The following C12orf42 variants were observed in gnomAD, a reference collection of about 807,000 sequenced individuals.
C12orf42 encodes uncharacterized protein C12orf42.
A neutral mutation model predicts 21.6 loss-of-function variants in C12orf42; 25 were observed. The ratio of observed to expected loss-of-function variants is 1.16; its 90% CI spans 0.84 to 1.62. The LOEUF (loss-of-function observed/expected upper bound fraction) is 1.62. C12orf42 is among the 40% of genes most tolerant of loss of function. C12orf42 has a pLI of 0.00. For synonymous variants in C12orf42, 174 were observed against 175.0 expected, an observed-to-expected ratio of 0.99 and a Z score of 0.05; for missense variants, 483 against 459.3, an observed-to-expected ratio of 1.05 and a Z score of -0.47.
At chr12:103,075,791 T>A in the C12orf42 span, among the ~76,000 whole-genome samples, 1 of 152,150 alleles carries the variant, frequency 6.6e-6, no homozygotes, top group Admixed American at 6.6e-5. Flanking sequence ...GTAGTGTTTA[T>A]GGGAGAGGAA....
intron 2 of C12orf42, among the ~76,000 whole-genome samples, chr12:103,408,660 A>T (rs1488273500): frequency 2.6e-5 from 4 of 152,198 alleles, no homozygotes; most frequent in African/African-American, 9.7e-5. Flanking sequence ...AAGAGTAACA[A>T]TGGGAAAATG....
At chr12:103,465,883 A>T (rs1413337334) in intron 2 of C12orf42, among the ~76,000 whole-genome samples, 16 of 152,196 alleles carry the variant, frequency 1.1e-4, no homozygotes, top group Admixed American at 1.0e-3. Context: ...AGTTCTGTTT[A>T]GGTAATGAAT....
chr12:103,265,125 G>A (rs1426723121), downstream of C12orf42, among the ~76,000 whole-genome samples: 1 of 152,048 alleles, frequency 6.6e-6, no homozygotes, highest in African/African-American at 2.4e-5. Flanking sequence ...GGGCTAGAGG[G>A]TCTCTTTTAT....
the C12orf42 span, among the ~76,000 whole-genome samples, chr12:103,160,657 C>A: frequency 6.6e-6 from 1 of 152,174 alleles, no homozygotes; most frequent in African/African-American, 2.4e-5. Flanking sequence ...CAGTGCAACA[C>A]CCCAATCCCT....
intron 4 of C12orf42, among the ~76,000 whole-genome samples, chr12:103,332,052 A>G (rs1309989340): frequency 1.3e-5 from 2 of 152,196 alleles, no homozygotes; most frequent in African/African-American, 4.8e-5. Flanking sequence ...AATTAAGAGC[A>G]TGACAATGAA....
chr12:103,258,520 T>TTA (rs937628889), intron 10 of C12orf42, among the ~76,000 whole-genome samples: 12 of 151,822 alleles, frequency 7.9e-5, no homozygotes, highest in African/African-American at 2.2e-4. Flanking sequence ...GTTTTTTGAT[T>TTA]TATATATATA....
chr12:103,262,196 A>G (rs1272286619), intron 10 of C12orf42: 1 of 152,210 alleles, frequency 6.6e-6, no homozygotes, highest in East Asian at 1.9e-4. Flanking sequence ...AATTATTTGT[A>G]CCTTTCAATT....
chr12:103,093,381 C>T, the C12orf42 span, among the ~76,000 whole-genome samples: 1 of 152,158 alleles, frequency 6.6e-6, no homozygotes, highest in Admixed American at 6.5e-5. Context: ...ACAATGACTG[C>T]CATCCAGATG....
chr12:103,425,677 T>C (rs1949746989), intron 2 of C12orf42, among the ~76,000 whole-genome samples: 2 of 152,052 alleles, frequency 1.3e-5, no homozygotes, highest in Non-Finnish European at 2.9e-5. Flanking sequence ...CAAAACCCCA[T>C]CCAAAGGCTG....
chr12:103,313,564 C>T (rs2039172018), intron 4 of C12orf42, among the ~76,000 whole-genome samples: 1 of 152,166 alleles, frequency 6.6e-6, no homozygotes, highest in Admixed American at 6.5e-5. Flanking sequence ...TCAGTTTTCC[C>T]ATTCATAAAA....
chr12:103,542,593 T>C, the C12orf42 span, among the ~76,000 whole-genome samples: 1 of 152,226 alleles, frequency 6.6e-6, no homozygotes, highest in Non-Finnish European at 1.5e-5. Flanking sequence ...GCCAATGTAC[T>C]ACAGGAACAA....
chr12:103,232,673 T>G (rs911928102), downstream of C12orf42, among the ~76,000 whole-genome samples: 1 of 141,424 alleles, frequency 7.1e-6, no homozygotes, highest in Non-Finnish European at 1.5e-5. Flanking sequence ...ATCACGCCAC[T>G]GCACTGCAGC....
At chr12:103,346,034 T>C (rs1475596664) in intron 4 of C12orf42, among the ~76,000 whole-genome samples, 1 of 152,190 alleles carries the variant, frequency 6.6e-6, no homozygotes, top group African/African-American at 2.4e-5. Flanking sequence ...CTTCCTGAAA[T>C]GAATTTTTCA....
rs71097979 is a variant in C12orf42, at chr12:103,462,096, G to GTTTTT, written c.78+16248_78+16252dup. 2.9e-4 allele frequency among the ~76,000 whole-genome samples: 8 copies of GTTTTT among 27,732 alleles called. 2 individuals are homozygous for GTTTTT. Among genetic ancestry groups the GTTTTT allele is most frequent in the East Asian group, 1.1e-3 (1 of 934 alleles). 18.2% of individuals were successfully genotyped at this position (27,732 alleles called of 152,430 possible). A position where few individuals can be genotyped will look rare whatever the true frequency, so the allele number is the denominator to read the frequency against. On this transcript the variant is annotated intron_variant, in intron 2 of 5. Coordinates refer to ENST00000548883, the MANE Select transcript of C12orf42 (RefSeq NM_198521.5). Reference sequence around the variant, plus strand: ...CCATTTTTGTTTTGTTTTTTGCTTGGTTTTTTTTTTTTTTTTTTTTTTTTT... The same window carrying GTTTTT: ...CCATTTTTGTTTTGTTTTTTGCTTGGTTTTTTTTTTTTTTTTTTTTTTTTTTTTTT...
At chr12:103,265,646 G>C (rs1264910485), downstream of C12orf42, among the ~76,000 whole-genome samples, 1 of 152,110 alleles carries the variant, frequency 6.6e-6, no homozygotes, top group African/African-American at 2.4e-5. Context: ...AATGTTCATG[G>C]CATTAGCAGG....
the C12orf42 span, among the ~76,000 whole-genome samples, chr12:103,158,735 C>T: frequency 1.1e-4 from 17 of 152,102 alleles, no homozygotes; most frequent in African/African-American, 4.1e-4. Flanking sequence ...AAAAAATTAG[C>T]TGGGCGTGGT....
chr12:103,404,682 G>C (rs1479605493), intron 2 of C12orf42, among the ~76,000 whole-genome samples: 1 of 152,084 alleles, frequency 6.6e-6, no homozygotes, highest in African/African-American at 2.4e-5. Flanking sequence ...GAAAGAGAAA[G>C]GCAAAAGTAT....
the C12orf42 span, among the ~76,000 whole-genome samples, chr12:103,510,284 C>T: frequency 6.6e-6 from 1 of 152,150 alleles, no homozygotes; most frequent in African/African-American, 2.4e-5. Context: ...AACATTCTCA[C>T]TCATAGTTGG....
At chr12:103,453,464 A>AT (rs1037576206) in intron 2 of C12orf42, among the ~76,000 whole-genome samples, 6 of 151,364 alleles carry the variant, frequency 4.0e-5, no homozygotes, top group African/African-American at 1.5e-4. Flanking sequence ...CCTTGTTTCT[A>AT]TTTTTTATCA....
Sources: gnomAD v4.1 joint callset for allele counts (sites outside exome capture counted in the v4.1 genomes callset) on GRCh38, gnomAD v4.1.1 for gene constraint, MANE v1.5 for transcripts, NCBI Gene and HGNC (gene_info 2026-07-23, HGNC 2026-07-21) for gene names.